PCSK1: variants seen among roughly 807,000 people sequenced by gnomAD.
The protein encoded by PCSK1 is neuroendocrine convertase 1.
PCSK1 carries 56 observed loss-of-function variants against 90.6 expected under a neutral mutation model. The ratio of observed to expected loss-of-function variants is 0.62; its 90% CI spans 0.50 to 0.77. PCSK1 has a LOEUF of 0.77. PCSK1 is among the 30% of genes least tolerant of loss of function. The pLI, the probability that PCSK1 is intolerant of heterozygous loss-of-function variation, is 0.00. For missense variants in PCSK1, 801 were observed against 932.6 expected (o/e 0.86, Z 1.84); for synonymous variants, 348 against 342.4 (o/e 1.02, Z -0.18).
At chr5:96,410,658 A>G (rs564521745) in intron 8 of PCSK1, 116 bp downstream of exon 8, 14 of 879,478 alleles carry the variant, frequency 1.6e-5, no homozygotes, top group Non-Finnish European at 2.7e-5. Context: ...AGTTCTCCCA[A>G]CTGAGACATC....
intron 6 of PCSK1, chr5:96,412,916 C>G: frequency 3.4e-5 from 9 of 268,430 alleles, no homozygotes; most frequent in Non-Finnish European, 4.9e-5. Context: ...AACTAAATGA[C>G]AGACCAGCTT....
rs112132565 is a variant in PCSK1 at position 96,414,094 on chromosome 5, G to A, written c.710-1604C>T. ...GCGGAGCTTGCAGTGAGCCGAGATC[G>A]CGCCACTGCACTCCAGCCTGGGCGA... On this transcript the variant is annotated intron_variant, in intron 6 of 13. Transcript: ENST00000311106. Among the ~76,000 whole-genome samples, 256 of 144,610 alleles carry A rather than the reference G, an allele frequency of 1.8e-3. 1 individual carries two copies. The highest frequency in any genetic ancestry group is 6.1e-3 in the African/African-American group (236 of 38,466). 94.9% of individuals were successfully genotyped at this position (144,610 alleles called of 152,430 possible).
chr5:96,410,586 TG>T lies in PCSK1; in HGVS notation c.1095+187del, dbSNP rs1159915775. The stretch of plus-strand genomic sequence containing the variant: ...GAGGGGAAGATCATCTTGGCAGAAG[TG>T]TCATTATCCCTGGAGAGAAAACTTT... On this transcript the variant is annotated intron_variant, in intron 8 of 13. Coordinates refer to ENST00000311106, the MANE Select transcript of PCSK1 (RefSeq NM_000439.5). 5.3e-5 allele frequency among the ~76,000 whole-genome samples: 8 copies of T among 152,108 alleles called. No individual in the cohort carries two copies. In the South Asian group the frequency reaches 1.5e-3, roughly 28 times the overall value.
intron 5 of PCSK1, 51 bp from the exon 6 acceptor site, chr5:96,416,172 G>A: frequency 7.9e-7 from 1 of 1,259,436 alleles, no homozygotes. Flanking sequence ...ACAAACATTT[G>A]TTTTGCATAT....
At chr5:96,408,935 G>C (rs1760662065) in intron 8 of PCSK1, among the ~76,000 whole-genome samples, 2 of 152,240 alleles carry the variant, frequency 1.3e-5, no homozygotes, top group Non-Finnish European at 2.9e-5. Context: ...GCTGGACTTA[G>C]TTCTGGGTTC....
chr5:96,394,931 A>C lies in PCSK1; in HGVS notation c.1817T>G (p.Val606Gly). ...CTGAACAGTGTTGTAGGACGTGTAC[A>C]CACGAGGCTGCTTCATATGCTCTGG... The part of the protein sequence containing the change: ...SQPEHMKQPR[V>G]YTSYNTVQND... The change falls in exon 13 of 14, where the codon GTG becomes GGG. Residue 606 changes from valine to glycine, a missense_variant. Val to Gly is a moderately radical substitution (Grantham distance 109, BLOSUM62 -3). Transcript: ENST00000311106. 6.2e-7 allele frequency: 1 copy of C among 1,614,162 alleles called. No homozygotes were observed. Among genetic ancestry groups the C allele is most frequent in the Non-Finnish European group, 8.5e-7 (1 of 1,180,006 alleles).
At chr5:96,415,218 T>G (rs1212477246) in intron 6 of PCSK1, among the ~76,000 whole-genome samples, 1 of 152,148 alleles carries the variant, frequency 6.6e-6, no homozygotes, top group Non-Finnish European at 1.5e-5. Flanking sequence ...GTCTTCCCAT[T>G]GGGTTCAGCC....
At chr5:96,425,677 C>A (rs904222704) in intron 3 of PCSK1, 143 bp downstream of exon 3, 1 of 657,318 alleles carries the variant, frequency 1.5e-6, no homozygotes, top group Non-Finnish European at 2.7e-6. Flanking sequence ...CAAGAAGATC[C>A]CATCAGCCCT....
At chr5:96,416,857 A>G (rs1486106715) in intron 5 of PCSK1, among the ~76,000 whole-genome samples, 1 of 152,238 alleles carries the variant, frequency 6.6e-6, no homozygotes, top group Non-Finnish European at 1.5e-5. Context: ...TGCGTCTTCC[A>G]AACACCAAAT....
intron 1 of PCSK1, among the ~76,000 whole-genome samples, chr5:96,432,636 C>A (rs543601886): frequency 7.5e-4 from 114 of 152,322 alleles, no homozygotes; most frequent in Non-Finnish European, 8.8e-5. Context: ...AAGCCCTACC[C>A]AGCTGCAGCG....
At chr5:96,410,461 T>C (rs1320964372) in intron 8 of PCSK1, among the ~76,000 whole-genome samples, 1 of 151,950 alleles carries the variant, frequency 6.6e-6, no homozygotes, top group African/African-American at 2.4e-5. Context: ...TTTAAGGCTG[T>C]TTCCAGGGAG....
chr5:96,409,976 C>T (rs1580754464), intron 8 of PCSK1, among the ~76,000 whole-genome samples: 2 of 152,162 alleles, frequency 1.3e-5, no homozygotes. Context: ...TAGGGTTCAC[C>T]CACCCTCTAA....
intron 8 of PCSK1, among the ~76,000 whole-genome samples, chr5:96,409,652 G>C (rs563306760): frequency 3.3e-5 from 5 of 152,290 alleles, no homozygotes; most frequent in African/African-American, 1.2e-4. Context: ...TTTTCTAAAG[G>C]CAGCTCTGGA....
chr5:96,426,027 G>A (rs1761297255), intron 2 of PCSK1, 97 bp from the exon 3 acceptor site: 1 of 737,026 alleles, frequency 1.4e-6, no homozygotes, highest in Non-Finnish European at 2.4e-6. Flanking sequence ...CAGAGTTCAG[G>A]CAGCTCTGCA....
intron 12 of PCSK1, among the ~76,000 whole-genome samples, chr5:96,397,108 ATAAG>A (rs1760179252): frequency 6.6e-6 from 1 of 152,236 alleles, no homozygotes; most frequent in Non-Finnish European, 1.5e-5. Flanking sequence ...CATTGTTTAT[ATAAG>A]TGTTTTTCCC....
intron 6 of PCSK1, among the ~76,000 whole-genome samples, chr5:96,412,762 T>TTTTGTTTTTTTTTTTG (rs1554058752): frequency 6.9e-6 from 1 of 144,360 alleles, no homozygotes; most frequent in African/African-American, 2.8e-5. Flanking sequence ...GTTTTTTTTT[T>TTTTGTTTTTTTTTTTG]TTTTTTTTTT....
At chr5:96,409,811 C>T (rs571431977) in intron 8 of PCSK1, among the ~76,000 whole-genome samples, 7 of 152,308 alleles carry the variant, frequency 4.6e-5, no homozygotes, top group South Asian at 2.1e-4. Context: ...AAGAGATGCG[C>T]GTGAGAAGCA....
At chr5:96,400,320 T>G in intron 9 of PCSK1, 134 bp from the exon 10 acceptor site, 1 of 700,794 alleles carries the variant, frequency 1.4e-6, no homozygotes, top group South Asian at 1.6e-5. Context: ...TATTCTAGTG[T>G]CTATTACTGT....
intron 3 of PCSK1, among the ~76,000 whole-genome samples, chr5:96,424,949 G>A (rs535821604): frequency 8.4e-6 from 1 of 118,982 alleles, no homozygotes; most frequent in South Asian, 2.9e-4. Flanking sequence ...GGCAACAAGA[G>A]CAAAACTCTG....
Sources: gnomAD v4.1 joint callset for allele counts (sites outside exome capture counted in the v4.1 genomes callset) on GRCh38, gnomAD v4.1.1 for gene constraint, MANE v1.5 for transcripts, NCBI Gene and HGNC (gene_info 2026-07-23, HGNC 2026-07-21) for gene names.